The following PNPLA5 variants were observed in gnomAD, a reference collection of about 807,000 sequenced individuals.
The protein encoded by PNPLA5 is patatin like domain 5, triacylglycerol lipase.
In PNPLA5, 44 loss-of-function variants were observed where a neutral mutation model predicts 49.1. That is an observed-to-expected ratio of 0.90 (90% confidence interval 0.70 to 1.15). The LOEUF (loss-of-function observed/expected upper bound fraction) is 1.15. PNPLA5 is among the 50% of genes most tolerant of loss of function. The pLI, the probability that PNPLA5 is intolerant of heterozygous loss-of-function variation, is 0.00. For missense variants in PNPLA5, 603 were observed against 564.0 expected (o/e 1.07, Z -0.70); for synonymous variants, 243 against 244.4 (o/e 0.99, Z 0.06).
In PNPLA5 at chr22:43,880,943, A is replaced by G. The variant is rs1336580623; in HGVS notation, c.1200-58T>C. 3.1e-6 allele frequency: 4 copies of G among 1,295,338 alleles called. No individual in the cohort carries two copies. In the East Asian group the frequency reaches 1.1e-4, roughly 37 times the overall value. The allele number at this position is 1,295,338 out of a possible 1,614,324, so 80.2% of individuals were successfully genotyped here. On this transcript the variant is annotated intron_variant, in intron 8 of 8. Transcript: ENST00000216177. ...CTGGGGCTCGGGAAGGGTAGGTGAA[A>G]CCACGTGGGTGCAGGCGCAGCCACA... is the stretch of plus-strand genomic sequence containing the variant.
Position 43,886,447 on chromosome 22 carries a change from C to T in PNPLA5, c.805G>A (p.Glu269Lys), listed in dbSNP as rs753545396. The change falls in exon 6 of 9, where the codon GAA (glutamate) becomes AAA (lysine). Residue 269 changes from glutamate (E) to lysine (K), a missense_variant. By Grantham distance (56) the Glu-to-Lys change is moderately conservative. Transcript: ENST00000216177. ...TTTCCGTCAGCCGGGGCTGGGGGTT[C>T]CTTAGACACCAGCGTCCATAGCACT... is the stretch of plus-strand genomic sequence containing the variant. ...EPVLWTLVSK[E>K]PPAPADGNWD... 1.2e-6 allele frequency: 2 copies of T among 1,614,044 alleles called. No homozygotes were observed. The highest frequency in any genetic ancestry group is 2.2e-5 in the East Asian group (1 of 44,880).
intron 5 of PNPLA5, 75 bp from the exon 6 acceptor site, chr22:43,886,563 C>T: frequency 6.6e-7 from 1 of 1,523,916 alleles, no homozygotes; most frequent in Non-Finnish European, 8.8e-7. Context: ...CCACATCCCT[C>T]AGAGCCCAAA....
Position 43,891,828 on chromosome 22 carries a change from C to T in PNPLA5, c.53G>A (p.Gly18Asp). 2 of 1,519,884 alleles carry T rather than the reference C, an allele frequency of 1.3e-6. No individual in the cohort carries two copies. The highest frequency in any genetic ancestry group is 1.8e-6 in the Non-Finnish European group (2 of 1,138,752). The allele number at this position is 1,519,884 out of a possible 1,614,324, so 94.1% of individuals were successfully genotyped here. A position where few individuals can be genotyped will look rare whatever the true frequency, so the allele number is the denominator to read the frequency against. ...GRWNLSFSGAGYLGAHHVGAT... is the reference protein window; with the variant it reads ...GRWNLSFSGADYLGAHHVGAT... The stretch of plus-strand genomic sequence containing the variant: ...GCCCACGTGGTGGGCGCCCAGGTAG[C>T]CGGCGCCGGAGAAGGACAGGTTCCA... The change falls in exon 1 of 9, where the codon GGC becomes GAC. Residue 18 changes from glycine to aspartate, a missense_variant. By Grantham distance (94) the Gly-to-Asp change is moderately conservative. Coordinates refer to ENST00000216177, the MANE Select transcript of PNPLA5 (RefSeq NM_138814.4).
chr22:43,881,977 G>A (rs1488440817), intron 7 of PNPLA5, among the ~76,000 whole-genome samples: 2 of 152,182 alleles, frequency 1.3e-5, no homozygotes, highest in African/African-American at 4.8e-5. Context: ...GACCTTTGGG[G>A]TCAGGCTGGC....
intron 7 of PNPLA5, among the ~76,000 whole-genome samples, chr22:43,883,317 C>T (rs1010019513): frequency 2.0e-5 from 3 of 152,226 alleles, no homozygotes; most frequent in Admixed American, 1.3e-4. Context: ...ATTTGTAGGT[C>T]GTGAGCTCCA....
chr22:43,891,862 C>G lies in PNPLA5; in HGVS notation c.19G>C (p.Glu7Gln). 1.3e-6 allele frequency: 2 copies of G among 1,518,646 alleles called. No individual in the cohort carries two copies. The highest frequency in any genetic ancestry group is 2.5e-5 in the South Asian group (2 of 79,486). 94.1% of individuals were successfully genotyped at this position (1,518,646 alleles called of 1,614,324 possible). The change falls in exon 1 of 9, where the codon GAG becomes CAG. Residue 7 changes from glutamate (E) to glutamine (Q), a missense_variant. Glu to Gln is a conservative substitution (Grantham distance 29). Transcript: ENST00000216177. MGFLEE[E>Q]GRWNLSFSGA... Reference sequence around the variant, plus strand: ...GAGAAGGACAGGTTCCATCTGCCCTCCTCCTCTAAGAAGCCCATGGCGGGT... The same window carrying G: ...GAGAAGGACAGGTTCCATCTGCCCTGCTCCTCTAAGAAGCCCATGGCGGGT...
At chr22:43,883,828 AAAAG>A in intron 7 of PNPLA5, among the ~76,000 whole-genome samples, 1 of 151,440 alleles carries the variant, frequency 6.6e-6, no homozygotes, top group South Asian at 2.1e-4. Context: ...AAAAGAAAAG[AAAAG>A]AAAGAAAAGA....
chr22:43,882,071 CACCCATAG>C (rs1226632417), intron 7 of PNPLA5, among the ~76,000 whole-genome samples: 1 of 152,220 alleles, frequency 6.6e-6, no homozygotes, highest in East Asian at 1.9e-4. Context: ...ACAGTCACCT[CACCCATAG>C]TTCCTAATGT....
rs759030450 is a variant in PNPLA5 at position 43,889,332 on chromosome 22, G to A, written c.699C>T (p.Leu233=). The A allele has an allele frequency of 6.2e-6, 10 of 1,613,618 alleles. No individual in the cohort carries two copies. The highest frequency in any genetic ancestry group is 1.3e-5 in the African/African-American group (1 of 74,884). ...ACCATCACAGGGCCAGACCTACCTC[G>A]AGGCTGGGGGGTATGAGACATATGA... The part of the protein sequence containing the change: ...LGLICLIPPS[L]EVVADNCRQG... The change falls in exon 4 of 9, where the codon CTC becomes CTT. Residue 233 remains leucine (L), a synonymous_variant. Coordinates refer to ENST00000216177, the MANE Select transcript of PNPLA5 (RefSeq NM_138814.4).
At chr22:43,882,926 C>T (rs899881532) in intron 7 of PNPLA5, among the ~76,000 whole-genome samples, 3 of 152,178 alleles carry the variant, frequency 2.0e-5, no homozygotes, top group African/African-American at 7.2e-5. Flanking sequence ...CCAGCCTTTC[C>T]ACCACTCTCC....
intron 4 of PNPLA5, among the ~76,000 whole-genome samples, chr22:43,889,128 A>G (rs1165463160): frequency 1.3e-5 from 2 of 152,106 alleles, no homozygotes; most frequent in East Asian, 1.9e-4. Flanking sequence ...CTCATTCATC[A>G]CTGGCTCAGG....
rs952073503 is a variant in PNPLA5 at position 43,891,752 on chromosome 22, G to A, written c.129C>T (p.Arg43=). The A allele has an allele frequency of 6.5e-7, 1 of 1,542,338 alleles. No individual in the cohort carries two copies. The highest frequency in any genetic ancestry group is 1.2e-5 in the South Asian group (1 of 83,000). ...QRAPRLLQGA[R]RIYGSSSGAL... ...CCCCAGACGAGGAACCGTAGATGCG[G>A]CGGGCGCCCTGGAGGAGGCGCGGGG... The change falls in exon 1 of 9, where the codon CGC becomes CGT. Residue 43 remains arginine, a synonymous_variant. Transcript: ENST00000216177.
rs573231073 is a variant in PNPLA5, at chr22:43,885,302, T to G, written c.950-957A>C. On this transcript the variant is annotated intron_variant, in intron 6 of 8. Transcript: ENST00000216177. ...TCTCCGGCATGGAAAGGGGCCCCCT[T>G]CCTCATCCCCTTGCCCACCCCACTC... 3.7e-4 allele frequency among the ~76,000 whole-genome samples: 57 copies of G among 152,018 alleles called. 1 individual carries two copies. The highest frequency in any genetic ancestry group is 1.3e-3 in the African/African-American group (55 of 41,476).
intron 4 of PNPLA5, among the ~76,000 whole-genome samples, chr22:43,888,624 AG>A (rs2148329716): frequency 6.6e-6 from 1 of 151,870 alleles, no homozygotes; most frequent in Non-Finnish European, 1.5e-5. Flanking sequence ...TAGTAGACAC[AG>A]GGTTTCACCA....
intron 4 of PNPLA5, among the ~76,000 whole-genome samples, chr22:43,888,427 T>C (rs1380981460): frequency 2.4e-4 from 2 of 8,236 alleles, no homozygotes; most frequent in Non-Finnish European, 5.7e-4. Flanking sequence ...TCTTTCCTTC[T>C]TTTTTTTTTT....
At chr22:43,882,584 A>G (rs1182244551) in intron 7 of PNPLA5, among the ~76,000 whole-genome samples, 1 of 152,250 alleles carries the variant, frequency 6.6e-6, no homozygotes, top group African/African-American at 2.4e-5. Context: ...GTATTGTGAA[A>G]TATGCCAAGA....
In PNPLA5 at chr22:43,881,587, C is replaced by A; in HGVS notation, c.1170G>T (p.Arg390Ser). ...LRNMALEVFS[R>S]TKAQLLGPIS... The stretch of plus-strand genomic sequence containing the variant: ...TGGGCCCAAGGAGCTGGGCCTTGGT[C>A]CTGGAGAAAACCTCGAGGGCCATGT... The change falls in exon 8 of 9, where the codon AGG (arginine) becomes AGT (serine). Residue 390 changes from arginine to serine, a missense_variant. Transcript: ENST00000216177. 1.9e-6 allele frequency: 3 copies of A among 1,608,758 alleles called. No individual in the cohort carries two copies. In the African/African-American group the frequency reaches 4.0e-5, roughly 21 times the overall value.
In PNPLA5 at chr22:43,891,753, C is replaced by G. The variant is rs986604959; in HGVS notation, c.128G>C (p.Arg43Pro). 6.5e-7 allele frequency: 1 copy of G among 1,541,894 alleles called. No individual in the cohort carries two copies. Among genetic ancestry groups the G allele is most frequent in the Non-Finnish European group, 8.7e-7 (1 of 1,144,146 alleles). The stretch of plus-strand genomic sequence containing the variant: ...CCCAGACGAGGAACCGTAGATGCGG[C>G]GGGCGCCCTGGAGGAGGCGCGGGGC... ...QRAPRLLQGA[R>P]RIYGSSSGAL... The change falls in exon 1 of 9, where the codon CGC becomes CCC. Residue 43 changes from arginine (R) to proline (P), a missense_variant. By Grantham distance (103) the Arg-to-Pro change is moderately radical (BLOSUM62 -2). Coordinates refer to ENST00000216177, the MANE Select transcript of PNPLA5 (RefSeq NM_138814.4).
At chr22:43,886,985 A>G (rs568721988) in intron 5 of PNPLA5, among the ~76,000 whole-genome samples, 2 of 151,900 alleles carry the variant, frequency 1.3e-5, no homozygotes, top group South Asian at 2.1e-4. Context: ...CTGAATGTCT[A>G]TTGCACCAAT....
Sources: allele counts gnomAD v4.1 joint callset (sites outside exome capture counted in the v4.1 genomes callset), GRCh38; gene constraint gnomAD v4.1.1; transcripts MANE v1.5; gene names NCBI Gene and HGNC (gene_info 2026-07-23, HGNC 2026-07-21).